ZNF766: variants seen among roughly 807,000 people sequenced by gnomAD.
ZNF766 encodes zinc finger protein 766.
ZNF766 carries 13 observed loss-of-function variants against 13.2 expected under a neutral mutation model. That is an observed-to-expected ratio of 0.98 (90% CI 0.64 to 1.56). The LOEUF is 1.56. Among genes scored for constraint, ZNF766 ranks in the 40% most tolerant of loss-of-function variants. ZNF766 has a pLI of 0.00. For missense variants in ZNF766, 521 were observed against 552.2 expected (o/e 0.94, Z 0.57); for synonymous variants, 178 against 187.6 (o/e 0.95, Z 0.42).
chr19:52,284,330 C>T (rs2560903), intron 3 of ZNF766, among the ~76,000 whole-genome samples: 17,427 of 152,154 alleles, frequency 0.11, 1,531 homozygotes, highest in African/African-American at 0.24. Context: ...ATGATCTGCC[C>T]ATTTCCTGTA....
intron 3 of ZNF766, among the ~76,000 whole-genome samples, chr19:52,287,777 T>C (rs1981904705): frequency 2.0e-5 from 3 of 152,148 alleles, no homozygotes; most frequent in Admixed American, 2.0e-4. Context: ...AATTGTTGAG[T>C]CTCATTTAAT....
Position 52,293,550 on chromosome 19 carries a change from CTT to C in ZNF766, c.*2353_*2354del, listed in dbSNP as rs1266294022. On this transcript the variant is annotated 3_prime_UTR_variant, in exon 4 of 4. Transcript: ENST00000439461. ...TGACATGCACTTTTGGGTATATACA[CTT>C]GGGTAAGTATGATTTTGGGTAATAA... 1 of 152,182 alleles carries C rather than the reference CTT, an allele frequency of 6.6e-6. No homozygotes were observed. The highest frequency in any genetic ancestry group is 1.5e-5 in the Non-Finnish European group (1 of 68,056). 9.4% of individuals were successfully genotyped at this position (152,182 alleles called of 1,614,324 possible).
chr19:52,286,342 G>A (rs927312302), intron 3 of ZNF766, among the ~76,000 whole-genome samples: 2 of 136,746 alleles, frequency 1.5e-5, no homozygotes, highest in African/African-American at 5.5e-5. Flanking sequence ...TTTTTCTTTT[G>A]GGGGAGTGTC....
chr19:52,284,614 C>T (rs149932413), intron 3 of ZNF766, among the ~76,000 whole-genome samples: 188 of 152,128 alleles, frequency 1.2e-3, no homozygotes, highest in African/African-American at 4.3e-3. Flanking sequence ...GTTAGAGTCG[C>T]GTCCCACAGG....
chr19:52,277,561 A>G (rs1015946101), intron 1 of ZNF766: 12 of 1,556,308 alleles, frequency 7.7e-6, no homozygotes, highest in African/African-American at 4.1e-5. Flanking sequence ...TATTCTCAGT[A>G]GATTGTTCTG....
At chr19:52,285,330 G>A (rs1981760105) in intron 3 of ZNF766, among the ~76,000 whole-genome samples, 1 of 152,064 alleles carries the variant, frequency 6.6e-6, no homozygotes, top group Admixed American at 6.6e-5. Flanking sequence ...CTGGAGATAG[G>A]GCCAGGTCCC....
At chr19:52,270,039 C>A (rs1423012374) in intron 1 of ZNF766, among the ~76,000 whole-genome samples, 1 of 152,190 alleles carries the variant, frequency 6.6e-6, no homozygotes. Flanking sequence ...GCAGACCCCA[C>A]CCCTGATCTG....
chr19:52,278,946 G>T (rs1438589727), intron 1 of ZNF766, among the ~76,000 whole-genome samples: 5 of 152,088 alleles, frequency 3.3e-5, no homozygotes, highest in Non-Finnish European at 5.9e-5. Context: ...TGAAATCTTT[G>T]CCCATTCCTG....
intron 3 of ZNF766, chr19:52,284,766 A>G (rs1180406463): frequency 6.6e-6 from 1 of 151,706 alleles, no homozygotes; most frequent in Non-Finnish European, 1.5e-5. Flanking sequence ...GGCTTACAGA[A>G]CTCAGTGAAA....
At chr19:52,282,964 A>G (rs1981605651) in intron 2 of ZNF766, among the ~76,000 whole-genome samples, 1 of 152,162 alleles carries the variant, frequency 6.6e-6, no homozygotes, top group South Asian at 2.1e-4. Context: ...TTATTTATTT[A>G]TAGTAGAATG....
rs772899868 is a variant in ZNF766 at position 52,269,608 on chromosome 19, G to A, written c.-6G>A. On this transcript the variant is annotated 5_prime_UTR_variant, in exon 1 of 4. It introduces an in-frame stop codon into an upstream open reading frame of the 5' UTR. Transcript: ENST00000439461. ...CTGCAGACCCGGAAGTGGATGGCGT[G>A]GAGATATGGCGCAACTGCGGCGCGT... The A allele has an allele frequency of 1.2e-6, 2 of 1,612,610 alleles. No homozygotes were observed. The highest frequency in any genetic ancestry group is 1.3e-5 in the African/African-American group (1 of 75,044).
chr19:52,294,029 C>G lies in ZNF766; in HGVS notation c.*2831C>G, dbSNP rs1982257849. ...CTCAATGTTCATCACTGTTGATAAACATGCACTGTATTATGTTTCTGTGTG... is the reference window on the plus strand; with the variant it reads ...CTCAATGTTCATCACTGTTGATAAAGATGCACTGTATTATGTTTCTGTGTG... On this transcript the variant is annotated 3_prime_UTR_variant, in exon 4 of 4. Coordinates refer to ENST00000439461, the MANE Select transcript of ZNF766 (RefSeq NM_001010851.3). 6.6e-6 allele frequency: 1 copy of G among 152,194 alleles called. No homozygotes were observed. The highest frequency in any genetic ancestry group is 2.1e-4 in the South Asian group (1 of 4,832). 9.4% of individuals were successfully genotyped at this position (152,194 alleles called of 1,614,324 possible). A position where few individuals can be genotyped will look rare whatever the true frequency, so the allele number is the denominator to read the frequency against.
chr19:52,276,692 G>A (rs1410197823), intron 1 of ZNF766, among the ~76,000 whole-genome samples: 1 of 152,196 alleles, frequency 6.6e-6, no homozygotes, highest in East Asian at 1.9e-4. Flanking sequence ...ATAGGGTTCA[G>A]TACTGTTCCA....
intron 1 of ZNF766, among the ~76,000 whole-genome samples, chr19:52,278,391 C>A (rs1458268753): frequency 4.6e-5 from 7 of 152,006 alleles, no homozygotes; most frequent in Non-Finnish European, 8.8e-5. Context: ...CTGTTCATGT[C>A]CCTTGCCCAC....
chr19:52,275,842 A>G (rs1402545559), intron 1 of ZNF766, among the ~76,000 whole-genome samples: 1 of 151,884 alleles, frequency 6.6e-6, no homozygotes, highest in Non-Finnish European at 1.5e-5. Flanking sequence ...TTTCATGCCT[A>G]GCTAATTTTT....
chr19:52,270,085 T>C (rs566570286), intron 1 of ZNF766, among the ~76,000 whole-genome samples: 2 of 152,310 alleles, frequency 1.3e-5, no homozygotes, highest in East Asian at 3.9e-4. Context: ...CGTTCCCTTC[T>C]GTCCCCAGGC....
chr19:52,281,099 GA>G lies in ZNF766; in HGVS notation c.19-1010del, dbSNP rs576055990. ...GAACCTGGGAGGCAGAGGTTGTGGT[GA>G]ACCGAGATCGCACCATTGCACTTGA... On this transcript the variant is annotated intron_variant, in intron 1 of 3. Transcript: ENST00000439461. Among the ~76,000 whole-genome samples the G allele has an allele frequency of 2.6e-5, 4 of 151,304 alleles. No homozygotes were observed. In the South Asian group the frequency reaches 8.4e-4, roughly 32 times the overall value.
Position 52,291,310 on chromosome 19 carries a change from A to G in ZNF766, c.*112A>G. The G allele has an allele frequency of 1.9e-6, 2 of 1,045,278 alleles. No homozygotes were observed. The highest frequency in any genetic ancestry group is 1.6e-5 in the African/African-American group (1 of 63,016). The allele number at this position is 1,045,278 out of a possible 1,614,324, so 64.8% of individuals were successfully genotyped here. A position where few individuals can be genotyped will look rare whatever the true frequency, so the allele number is the denominator to read the frequency against. ...GGCACAGGCTGTATCGAGACCTACC[A>G]AATCACTAGACATCGAAACATTCAT... On this transcript the variant is annotated 3_prime_UTR_variant, in exon 4 of 4. Coordinates refer to ENST00000439461, the MANE Select transcript of ZNF766 (RefSeq NM_001010851.3).
intron 1 of ZNF766, chr19:52,277,028 C>T: frequency 1.2e-6 from 1 of 839,916 alleles, no homozygotes; most frequent in African/African-American, 1.8e-5. Context: ...CCGGCATCAA[C>T]TCTGATGCAG....
Sources: allele counts gnomAD v4.1 joint callset (sites outside exome capture counted in the v4.1 genomes callset), GRCh38; gene constraint gnomAD v4.1.1; transcripts MANE v1.5; gene names NCBI Gene and HGNC (gene_info 2026-07-23, HGNC 2026-07-21).